Variants in NEURL1 observed in about 807,000 individuals in gnomAD.
The protein encoded by NEURL1 is neuralized E3 ubiquitin protein ligase 1.
In NEURL1, 26 loss-of-function variants were observed where a neutral mutation model predicts 41.2. That is an observed-to-expected ratio of 0.63 (90% CI 0.46 to 0.87). NEURL1 has a LOEUF of 0.87. Ranked by LOEUF, NEURL1 falls within the 40% of genes least tolerant of loss-of-function variation. The pLI is 0.00. For missense variants in NEURL1, 761 were observed against 871.1 expected, an observed-to-expected ratio of 0.87 and a Z score of 1.59; for synonymous variants, 400 against 402.3, an observed-to-expected ratio of 0.99 and a Z score of 0.07.
intron 1 of NEURL1, among the ~76,000 whole-genome samples, chr10:103,532,792 T>C (rs1044652059): frequency 2.0e-5 from 3 of 152,114 alleles, no homozygotes; most frequent in Non-Finnish European, 4.4e-5. Flanking sequence ...AGGGCCTTTT[T>C]GGGTTAAATC....
intron 1 of NEURL1, among the ~76,000 whole-genome samples, chr10:103,550,057 T>A (rs2035002349): frequency 6.6e-6 from 1 of 152,258 alleles, no homozygotes; most frequent in Non-Finnish European, 1.5e-5. Context: ...TGATGGTTTC[T>A]ATTCCCCAGT....
chr10:103,526,881 T>C (rs2034470235), intron 1 of NEURL1, among the ~76,000 whole-genome samples: 1 of 152,104 alleles, frequency 6.6e-6, no homozygotes, highest in African/African-American at 2.4e-5. Flanking sequence ...TTGTGTATAG[T>C]TGTTTGTAAT....
Position 103,506,633 on chromosome 10 carries a change from C to T in NEURL1, c.85+12161C>T, listed in dbSNP as rs2033952633. Among the ~76,000 whole-genome samples, 4 of 151,748 alleles carry T rather than the reference C, an allele frequency of 2.6e-5. No individual in the cohort carries two copies. In the South Asian group the frequency reaches 8.3e-4, roughly 32 times the overall value. ...GGAGTATAGTGGTGCAGTCTTGGCT[C>T]ACTGCAGCCTCCACCTCCCGGGTTC... On this transcript the variant is annotated intron_variant, in intron 1 of 5. Coordinates refer to ENST00000369780, the MANE Select transcript of NEURL1 (RefSeq NM_004210.5).
chr10:103,522,195 A>G (rs2034363899), intron 1 of NEURL1, among the ~76,000 whole-genome samples: 1 of 152,130 alleles, frequency 6.6e-6, no homozygotes, highest in Admixed American at 6.5e-5. Flanking sequence ...CACTTGCTTC[A>G]GGCCATCCGG....
intron 4 of NEURL1, 120 bp from the exon 5 acceptor site, chr10:103,589,394 T>A: frequency 3.5e-6 from 4 of 1,139,332 alleles, no homozygotes; most frequent in Non-Finnish European, 4.9e-6. Context: ...AAAATCCCGC[T>A]CTTGGCCCTG....
Position 103,518,488 on chromosome 10 carries a change from A to T in NEURL1, c.85+24016A>T, listed in dbSNP as rs1458453984. On this transcript the variant is annotated intron_variant, in intron 1 of 5. Coordinates refer to ENST00000369780, the MANE Select transcript of NEURL1 (RefSeq NM_004210.5). Reference sequence around the variant, plus strand: ...CTCTGTCTCATGGAATTATATTCTTATGAAGAGAGACAGATTTTTAAAACC... The same window carrying T: ...CTCTGTCTCATGGAATTATATTCTTTTGAAGAGAGACAGATTTTTAAAACC... 2.0e-5 allele frequency among the ~76,000 whole-genome samples: 3 copies of T among 152,334 alleles called. No homozygotes were observed. The East Asian group carries it at 5.8e-4, about 29-fold the overall frequency.
intron 1 of NEURL1, among the ~76,000 whole-genome samples, chr10:103,531,152 G>A (rs551110938): frequency 1.5e-4 from 23 of 152,000 alleles, no homozygotes; most frequent in African/African-American, 5.5e-4. Context: ...CCCAGGAGGC[G>A]GAGGTTGCAG....
At chr10:103,509,234 C>CAAAAAAAA (rs56319349) in intron 1 of NEURL1, among the ~76,000 whole-genome samples, 1 of 111,550 alleles carries the variant, frequency 9.0e-6, no homozygotes, top group Non-Finnish European at 2.0e-5. Context: ...GACTCTGTCT[C>CAAAAAAAA]AAAAAAAAAA....
chr10:103,499,971 A>C (rs1429607609), intron 1 of NEURL1, among the ~76,000 whole-genome samples: 1 of 152,164 alleles, frequency 6.6e-6, no homozygotes, highest in African/African-American at 2.4e-5. Context: ...TCTTTGGTCA[A>C]CCCACAGATC....
intron 3 of NEURL1, among the ~76,000 whole-genome samples, chr10:103,584,240 C>T (rs1171793413): frequency 6.6e-6 from 1 of 152,132 alleles, no homozygotes; most frequent in East Asian, 1.9e-4. Context: ...ATGAGGAATA[C>T]AAGTTTACTG....
rs1170677528 is a variant in NEURL1 at position 103,556,992 on chromosome 10, A to G, written c.86-13880A>G. Among the ~76,000 whole-genome samples, 1 of 152,246 alleles carries G rather than the reference A, an allele frequency of 6.6e-6. No individual in the cohort carries two copies. Among genetic ancestry groups the G allele is most frequent in the East Asian group, 1.9e-4 (1 of 5,202 alleles). On this transcript the variant is annotated intron_variant, in intron 1 of 5. Coordinates refer to ENST00000369780, the MANE Select transcript of NEURL1 (RefSeq NM_004210.5). The surrounding 1 kb of genome is among the most constrained non-coding windows in gnomAD (Gnocchi z 4.4). ...AGTACACTGTCCTCCAGCTGCCTGGAGCACAGGCTCCCTAGAGGGTGAGAC... is the reference window on the plus strand; with the variant it reads ...AGTACACTGTCCTCCAGCTGCCTGGGGCACAGGCTCCCTAGAGGGTGAGAC...
chr10:103,571,198 A>C (rs2035536045), intron 2 of NEURL1, 85 bp downstream of exon 2: 2 of 1,387,132 alleles, frequency 1.4e-6, no homozygotes, highest in Non-Finnish European at 2.0e-6. Context: ...TCTGCCCCTC[A>C]GCCGCTGCCT....
intron 1 of NEURL1, among the ~76,000 whole-genome samples, chr10:103,561,785 C>T (rs1243598993): frequency 6.6e-6 from 1 of 152,204 alleles, no homozygotes. Flanking sequence ...AAGAAAGAAT[C>T]AACCCTCATG....
rs1357722221 is a variant in NEURL1 at position 103,584,757 on chromosome 10, G to C, written c.871G>C (p.Asp291His). The stretch of plus-strand genomic sequence containing the variant: ...CAGCCGCGCGCTGCCGGCGCAGCTC[G>C]ACGGCGACCTGCGTTTCCACGCCCT... Reference protein sequence around the residue: ...QHSRALPAQLDGDLRFHALRA... With the variant: ...QHSRALPAQLHGDLRFHALRA... Residue 291 changes from aspartate (D) to histidine (H), a missense_variant, in exon 4 of 6, where the codon GAC (aspartate) becomes CAC (histidine). Transcript: ENST00000369780. 2 of 1,457,302 alleles carry C rather than the reference G, an allele frequency of 1.4e-6. No individual in the cohort carries two copies. Among genetic ancestry groups the C allele is most frequent in the South Asian group, 1.3e-5 (1 of 75,410 alleles). 90.3% of individuals were successfully genotyped at this position (1,457,302 alleles called of 1,614,324 possible).
chr10:103,517,918 A>G lies in NEURL1; in HGVS notation c.85+23446A>G, dbSNP rs142291691. 3.2e-3 allele frequency among the ~76,000 whole-genome samples: 492 copies of G among 152,358 alleles called. 2 individuals are homozygous for G. Among genetic ancestry groups the G allele is most frequent in the African/African-American group, 0.01 (423 of 41,586 alleles). ...GCTCTGCTCCCGTGGGCCTCACCGC[A>G]GTGTGCCTCAGTGACATCCCCTTTT... On this transcript the variant is annotated intron_variant, in intron 1 of 5. Coordinates refer to ENST00000369780, the MANE Select transcript of NEURL1 (RefSeq NM_004210.5).
At chr10:103,543,264 A>G (rs986895922) in intron 1 of NEURL1, among the ~76,000 whole-genome samples, 1 of 152,194 alleles carries the variant, frequency 6.6e-6, no homozygotes, top group African/African-American at 2.4e-5. Flanking sequence ...CCCATGTTCC[A>G]GGACACACCT....
chr10:103,509,841 A>G (rs182394767), intron 1 of NEURL1, among the ~76,000 whole-genome samples: 69 of 152,250 alleles, frequency 4.5e-4, no homozygotes, highest in Non-Finnish European at 6.8e-4. Flanking sequence ...TGAGGCTCCC[A>G]TTTGGGAGTA....
At chr10:103,553,674 G>A (rs147373463) in intron 1 of NEURL1, among the ~76,000 whole-genome samples, 1 of 152,362 alleles carries the variant, frequency 6.6e-6, no homozygotes, top group East Asian at 1.9e-4. Context: ...TGCGGGCTCA[G>A]GACCCAGTCC....
intron 3 of NEURL1, among the ~76,000 whole-genome samples, chr10:103,581,385 C>T (rs757928489): frequency 2.6e-5 from 4 of 152,168 alleles, no homozygotes; most frequent in African/African-American, 4.8e-5. Flanking sequence ...TATTAGGTGC[C>T]CTGTGTACCT....
Sources: allele counts gnomAD v4.1 joint callset (sites outside exome capture counted in the v4.1 genomes callset), GRCh38; gene constraint gnomAD v4.1.1; non-coding constraint Gnocchi (gnomAD v3.1); transcripts MANE v1.5; gene names NCBI Gene and HGNC (gene_info 2026-07-23, HGNC 2026-07-21).